Variants in CCDC171 observed in about 807,000 individuals in gnomAD.
CCDC171 encodes the protein coiled-coil domain containing 171.
A neutral mutation model predicts 168.2 loss-of-function variants in CCDC171; 177 were observed. The observed-to-expected ratio is 1.05, with a 90% CI of 0.93 to 1.19. The LOEUF (loss-of-function observed/expected upper bound fraction) is 1.19. Among genes scored for constraint, CCDC171 ranks in the 50% most tolerant of loss-of-function variants. The probability of loss-of-function intolerance (pLI) is 0.00; values close to 1 mark genes in which losing one functional copy is unlikely to be tolerated. For missense variants in CCDC171, 1,991 were observed against 1,539.0 expected (o/e 1.29, Z -4.91); for synonymous variants, 687 against 540.8 (o/e 1.27, Z -3.75).
chr9:15,987,077 G>GA (rs35267237), intron 3 of CCDC171, among the ~76,000 whole-genome samples: 75,201 of 151,852 alleles, frequency 0.5, 20,015 homozygotes, highest in African/African-American at 0.71. Flanking sequence ...TTGGCATAGA[G>GA]AAGGCATTTC....
In CCDC171 at chr9:15,818,377, T is replaced by G. The variant is rs1345412262; in HGVS notation, c.3268-28325T>G. ...TTTGATGAGTTGAGAGAAGAAGGCT[T>G]CAGAAGATAAAACTACTCCGAGCTA... On this transcript the variant is annotated intron_variant, in intron 21 of 25. Transcript: ENST00000380701. Among the ~76,000 whole-genome samples, 7 of 117,254 alleles carry G rather than the reference T, an allele frequency of 6.0e-5. 3 individuals carry two copies. Among genetic ancestry groups the G allele is most frequent in the African/African-American group, 2.3e-4 (7 of 31,064 alleles). 76.9% of individuals were successfully genotyped at this position (117,254 alleles called of 152,430 possible).
intron 3 of CCDC171, among the ~76,000 whole-genome samples, chr9:16,002,589 G>A (rs1473247978): frequency 6.6e-6 from 1 of 152,104 alleles, no homozygotes; most frequent in Non-Finnish European, 1.5e-5. Flanking sequence ...GTAAGCTAAG[G>A]TTAATTTATT....
intron 9 of CCDC171, among the ~76,000 whole-genome samples, chr9:15,668,032 C>G (rs1031719978): frequency 6.6e-6 from 1 of 152,052 alleles, no homozygotes; most frequent in Non-Finnish European, 1.5e-5. Context: ...ATTTGAAAGG[C>G]TTTTATGTAG....
intron 24 of CCDC171, among the ~76,000 whole-genome samples, chr9:15,910,200 A>C (rs961376152): frequency 1.4e-5 from 2 of 139,508 alleles, no homozygotes; most frequent in African/African-American, 5.3e-5. Flanking sequence ...ACACACACAC[A>C]CCATATTTTC....
At chr9:15,600,800 G>T (rs972859925) in intron 6 of CCDC171, among the ~76,000 whole-genome samples, 7 of 152,134 alleles carry the variant, frequency 4.6e-5, no homozygotes, top group African/African-American at 1.7e-4. Context: ...CGAGCTTCCC[G>T]GCCACTTTGT....
intron 3 of CCDC171, among the ~76,000 whole-genome samples, chr9:15,983,007 C>A: frequency 6.6e-6 from 1 of 152,126 alleles, no homozygotes; most frequent in East Asian, 1.9e-4. Context: ...ACAAATAAAT[C>A]CCACTGAAAC....
At chr9:15,774,246 T>TA (rs56239417) in intron 18 of CCDC171, among the ~76,000 whole-genome samples, 428 of 38,014 alleles carry the variant, frequency 0.011, 9 homozygotes, top group South Asian at 0.02. Context: ...ACGCTGTCTT[T>TA]AAAAAAAAAA....
At chr9:16,060,211 G>T (rs1046969892) in intron 1 of CCDC171, among the ~76,000 whole-genome samples, 1 of 152,136 alleles carries the variant, frequency 6.6e-6, no homozygotes, top group Non-Finnish European at 1.5e-5. Flanking sequence ...ATGAGATCTT[G>T]GACTGTTTTG....
chr9:15,836,850 G>A (rs6474977), intron 21 of CCDC171, among the ~76,000 whole-genome samples: 141,083 of 152,304 alleles, frequency 0.93, 65,497 homozygotes, highest in East Asian at 0.98. Context: ...TCAGTGGAAC[G>A]GGAGAATATA....
At chr9:15,826,873 G>A (rs4146288) in intron 21 of CCDC171, among the ~76,000 whole-genome samples, 141,316 of 152,300 alleles carry the variant, frequency 0.93, 65,686 homozygotes, top group East Asian at 0.98. Context: ...TTAATTTGTC[G>A]TATGTAACCC....
At position 15,623,469 on chromosome 9, in the gene CCDC171, G is replaced by GTGCACACACA; in HGVS notation, c.822+56_822+57insTGCACACACA. 3 of 529,880 alleles carry GTGCACACACA rather than the reference G, an allele frequency of 5.7e-6. No individual in the cohort carries two copies. In the Admixed American group the frequency reaches 1.4e-4, roughly 24 times the overall value. 32.8% of individuals were successfully genotyped at this position (529,880 alleles called of 1,614,324 possible). A position where few individuals can be genotyped will look rare whatever the true frequency, so the allele number is the denominator to read the frequency against. On this transcript the variant is annotated intron_variant, in intron 7 of 25. Transcript: ENST00000380701. ...TGCGTACAAACTTTCACATATGCGC[G>GTGCACACACA]CGCGCGCACACACACACACACACAC...
rs1176054964 is a variant in CCDC171 at position 16,018,401 on chromosome 9, A to G, written n.369-2188A>G. Among the ~76,000 whole-genome samples the G allele has an allele frequency of 2.0e-5, 3 of 152,170 alleles. No homozygotes were observed. In the East Asian group the frequency reaches 5.8e-4, roughly 29 times the overall value. On this transcript the variant is annotated intron_variant and non_coding_transcript_variant, in intron 3 of 9. Coordinates refer to the CCDC171 transcript ENST00000486641. ...GGTAAGTTTATTTGTATATATGTCA[A>G]TATATAAGCATTAAAAAGAAATATT...
intron 25 of CCDC171, among the ~76,000 whole-genome samples, chr9:15,950,885 C>A (rs982291737): frequency 6.6e-6 from 1 of 151,098 alleles, no homozygotes; most frequent in African/African-American, 2.4e-5. Flanking sequence ...AGCCATCTCA[C>A]GTGCAGAGAC....
At chr9:15,778,313 CAAAAAAAAAAAAAAAAAAAAAAAAAAAAA>C (rs71325933) in intron 19 of CCDC171, among the ~76,000 whole-genome samples, 1 of 38,102 alleles carries the variant, frequency 2.6e-5, no homozygotes, top group South Asian at 1.6e-3. Context: ...GACTCCGTCT[CAAAAAAAAAAAAAAAAAAAAAAAAAAAAA>C]AAAAAAAAAT....
At chr9:15,920,154 A>T (rs1464715164) in intron 24 of CCDC171, 116 bp from the exon 25 acceptor site, 1 of 565,020 alleles carries the variant, frequency 1.8e-6, no homozygotes, top group African/African-American at 1.9e-5. Flanking sequence ...TATTTTAAAG[A>T]AAGATGAAAA....
chr9:15,651,026 C>T (rs1191204783), intron 7 of CCDC171, among the ~76,000 whole-genome samples: 1 of 152,170 alleles, frequency 6.6e-6, no homozygotes, highest in Non-Finnish European at 1.5e-5. Flanking sequence ...GACACCCTTT[C>T]CAGCCTCTGA....
chr9:15,994,582 A>T (rs140216839), intron 3 of CCDC171, among the ~76,000 whole-genome samples: 2 of 152,270 alleles, frequency 1.3e-5, no homozygotes, highest in African/African-American at 4.8e-5. Context: ...CTTAAAGTAT[A>T]TATAAAAAAA....
chr9:16,107,888 C>T, the CCDC171 span, among the ~76,000 whole-genome samples: 12 of 152,064 alleles, frequency 7.9e-5, no homozygotes, highest in Non-Finnish European at 1.5e-4. Flanking sequence ...GAATACATTT[C>T]ATTATAATGT....
In CCDC171 at chr9:15,678,846, C is replaced by G. The variant is rs1008769190; in HGVS notation, c.1165C>G (p.Leu389Val). Residue 389 changes from leucine to valine, a missense_variant, in exon 10 of 26, where the codon CTC becomes GTC. Physicochemically the swap from Leu to Val is conservative, Grantham distance 32. Transcript: ENST00000380701. ...KKVIIDLSKR[L>V]QYNEKSCSEL... ...AGTAATTATAGACCTTTCAAAGAGA[C>G]TCCAGTATAATGAAAAAAGTTGCAG... The G allele has an allele frequency of 1.3e-6, 2 of 1,594,428 alleles. No individual in the cohort carries two copies. Among genetic ancestry groups the G allele is most frequent in the Non-Finnish European group, 1.7e-6 (2 of 1,172,124 alleles).
Sources: allele counts gnomAD v4.1 joint callset (sites outside exome capture counted in the v4.1 genomes callset), GRCh38; gene constraint gnomAD v4.1.1; transcripts MANE v1.5; gene names NCBI Gene and HGNC (gene_info 2026-07-23, HGNC 2026-07-21).